Variants in ADGB observed in about 807,000 individuals in gnomAD.
ADGB encodes calpain-7-like protein.
A neutral mutation model predicts 210.5 loss-of-function variants in ADGB; 172 were observed. The observed-to-expected ratio is 0.82, with a 90% CI of 0.72 to 0.93. ADGB has a LOEUF of 0.93. Among genes scored for constraint, ADGB ranks in the 40% least tolerant of loss-of-function variants. ADGB has a pLI of 0.00. For missense variants in ADGB, 2,025 were observed against 1,964.8 expected (o/e 1.03, Z -0.58); for synonymous variants, 658 against 662.7 (o/e 0.99, Z 0.11).
chr6:146,734,194 G>T (rs1442724029), intron 22 of ADGB, among the ~76,000 whole-genome samples, 164 bp downstream of exon 22: 3 of 152,224 alleles, frequency 2.0e-5, no homozygotes, highest in Non-Finnish European at 1.5e-5. Flanking sequence ...AATGCACCAA[G>T]TGTCTTGTTC....
chr6:146,616,435 C>T (rs1014164939), intron 1 of ADGB, among the ~76,000 whole-genome samples: 2 of 151,622 alleles, frequency 1.3e-5, no homozygotes, highest in African/African-American at 4.8e-5. Flanking sequence ...TGATATAATC[C>T]CATTTGTCTA....
chr6:146,803,782 G>A (rs1468961369), intron 35 of ADGB: 9 of 612,994 alleles, frequency 1.5e-5, no homozygotes, highest in South Asian at 2.1e-5. Context: ...ATCAGCGCCC[G>A]GCAGCCTAGA....
At chr6:146,743,001 C>T (rs1777181311) in intron 25 of ADGB, among the ~76,000 whole-genome samples, 2 of 152,154 alleles carry the variant, frequency 1.3e-5, no homozygotes, top group African/African-American at 4.8e-5. Flanking sequence ...CTCCTCTAAA[C>T]CTGACCTTTC....
At chr6:146,726,719 C>A (rs995827460) in intron 19 of ADGB, among the ~76,000 whole-genome samples, 4 of 152,194 alleles carry the variant, frequency 2.6e-5, no homozygotes, top group Admixed American at 6.5e-5. Context: ...TTTTCTCTAA[C>A]AACTGCTCTC....
intron 7 of ADGB, among the ~76,000 whole-genome samples, chr6:146,667,437 C>A (rs1775951524): frequency 6.6e-6 from 1 of 151,924 alleles, no homozygotes. Flanking sequence ...GGGCAGGATA[C>A]CTCTTGGTTT....
intron 2 of ADGB, among the ~76,000 whole-genome samples, chr6:146,642,765 G>A (rs1254294728): frequency 6.6e-6 from 1 of 151,726 alleles, no homozygotes; most frequent in Non-Finnish European, 1.5e-5. Flanking sequence ...ACTTGATTAG[G>A]GAGGCTGGGA....
chr6:146,800,138 C>T (rs201488897), intron 33 of ADGB, among the ~76,000 whole-genome samples: 2 of 150,850 alleles, frequency 1.3e-5, no homozygotes, highest in African/African-American at 4.9e-5. Flanking sequence ...AAACTTTTTT[C>T]TTTTTTTTTA....
chr6:146,808,364 G>C (rs1431664020), intron 35 of ADGB, among the ~76,000 whole-genome samples: 1 of 152,088 alleles, frequency 6.6e-6, no homozygotes, highest in East Asian at 1.9e-4. Context: ...AACTACCCTG[G>C]CTTAGCCCAC....
At chr6:146,678,730 T>G (rs1323852997) in intron 9 of ADGB, among the ~76,000 whole-genome samples, 1 of 152,202 alleles carries the variant, frequency 6.6e-6, no homozygotes, top group African/African-American at 2.4e-5. Flanking sequence ...TGTAGAGATT[T>G]ATATATATTT....
At position 146,737,452 on chromosome 6, in the gene ADGB, G is replaced by A. The variant is rs189153153; in HGVS notation, c.2888+861G>A. Among the ~76,000 whole-genome samples, 223 of 152,238 alleles carry A rather than the reference G, an allele frequency of 1.5e-3. No individual in the cohort carries two copies. In the Middle Eastern group the frequency reaches 0.017, roughly 12 times the overall value. ...GGGGTATTCTCAGAAATCTTAGTGT[G>A]TAAGTAATTGGAGTGACAGAAGGTA... On this transcript the variant is annotated intron_variant, in intron 23 of 35. Coordinates refer to ENST00000397944, the MANE Select transcript of ADGB (RefSeq NM_024694.4).
At chr6:146,624,717 T>C (rs1562258114) in intron 1 of ADGB, among the ~76,000 whole-genome samples, 1 of 151,960 alleles carries the variant, frequency 6.6e-6, no homozygotes, top group Non-Finnish European at 1.5e-5. Context: ...AGGTATTTCG[T>C]CCTATAAATT....
chr6:146,700,949 T>C lies in ADGB; in HGVS notation c.1586T>C (p.Val529Ala). The C allele has an allele frequency of 6.5e-7, 1 of 1,549,786 alleles. No individual in the cohort carries two copies. Among genetic ancestry groups the C allele is most frequent in the Non-Finnish European group, 8.7e-7 (1 of 1,146,074 alleles). The change falls in exon 13 of 36, where the codon GTG becomes GCG. Residue 529 changes from valine (V) to alanine (A), a missense_variant. Val to Ala is a moderately conservative substitution (Grantham distance 64). Transcript: ENST00000397944. ...TTTTGTTTTCCTTTTAGGCATTTTG[T>C]GCGCTCCTTAATTAAGAAAGGAATA... Reference protein sequence around the residue: ...PFTIPTEMHFVRSLIKKGIPP... With the variant: ...PFTIPTEMHFARSLIKKGIPP...
At position 146,745,980 on chromosome 6, in the gene ADGB, G is replaced by A. The variant is rs554299523; in HGVS notation, c.3236G>A (p.Arg1079Gln). 5.2e-6 allele frequency: 8 copies of A among 1,551,206 alleles called. No individual in the cohort carries two copies. The Admixed American group carries it at 5.9e-5, about 11-fold the overall frequency. ...FTGDTYVAAS[R>Q]WKLRLIGSSA... is the part of the protein sequence containing the mutation. ...GGCGACACATATGTAGCAGCCTCACGATGGAAACTGCGTCTCATCGGTTCT... is the reference window on the plus strand; with the variant it reads ...GGCGACACATATGTAGCAGCCTCACAATGGAAACTGCGTCTCATCGGTTCT... The change falls in exon 26 of 36, where the codon CGA becomes CAA. Residue 1079 changes from arginine (R) to glutamine (Q), a missense_variant. By Grantham distance (43) the Arg-to-Gln change is conservative (BLOSUM62 1). Transcript: ENST00000397944.
chr6:146,654,006 T>C, intron 3 of ADGB, 129 bp from the exon 4 acceptor site: 1 of 469,426 alleles, frequency 2.1e-6, no homozygotes, highest in Non-Finnish European at 3.8e-6. Flanking sequence ...CTCAAGGTCA[T>C]TGCCAAGGTC....
chr6:146,771,951 T>G (rs1777658446), intron 29 of ADGB, among the ~76,000 whole-genome samples: 1 of 152,208 alleles, frequency 6.6e-6, no homozygotes, highest in African/African-American at 2.4e-5. Flanking sequence ...CTTTTTGTTT[T>G]GGACAGTGTG....
In ADGB at chr6:146,769,206, G is replaced by T. The variant is rs1014076106; in HGVS notation, c.3862+75G>T. On this transcript the variant is annotated intron_variant, in intron 29 of 35. Transcript: ENST00000397944. The stretch of plus-strand genomic sequence containing the variant: ...ATATTTAAATATTTAATAATAAATT[G>T]ATTTAGTCATGAAAATATCATTGTA... The T allele has an allele frequency of 1.2e-4, 83 of 698,136 alleles. No homozygotes were observed. In the African/African-American group the frequency reaches 1.3e-3, roughly 11 times the overall value. The allele number at this position is 698,136 out of a possible 1,614,324, so 43.2% of individuals were successfully genotyped here. A position where few individuals can be genotyped will look rare whatever the true frequency, so the allele number is the denominator to read the frequency against.
At chr6:146,763,550 CT>C (rs1190593452) in intron 27 of ADGB, among the ~76,000 whole-genome samples, 1 of 140,862 alleles carries the variant, frequency 7.1e-6, no homozygotes, top group Non-Finnish European at 1.6e-5. Flanking sequence ...AAGAGAAAGT[CT>C]TTTATAAGTG....
chr6:146,795,106 A>G lies in ADGB; in HGVS notation c.4538-6077A>G, dbSNP rs535676722. Among the ~76,000 whole-genome samples the G allele has an allele frequency of 1.4e-4, 22 of 152,320 alleles. No individual in the cohort carries two copies. The East Asian group carries it at 3.3e-3, about 23-fold the overall frequency. ...AATCATTACAAACATCATTAGCTGA[A>G]AATTGCAGGGGAAATAAGACTCTAG... On this transcript the variant is annotated intron_variant, in intron 33 of 35. Coordinates refer to ENST00000397944, the MANE Select transcript of ADGB (RefSeq NM_024694.4).
chr6:146,733,743 A>G (rs1487488755), intron 21 of ADGB, 150 bp from the exon 22 acceptor site: 1 of 840,414 alleles, frequency 1.2e-6, no homozygotes, highest in East Asian at 2.7e-5. Context: ...TTCTAACAAG[A>G]ACCACCTAGA....
Sources: gnomAD v4.1 joint callset for allele counts (sites outside exome capture counted in the v4.1 genomes callset) on GRCh38, gnomAD v4.1.1 for gene constraint, MANE v1.5 for transcripts, NCBI Gene and HGNC (gene_info 2026-07-23, HGNC 2026-07-21) for gene names.